Variants in SORCS2 observed in about 807,000 individuals in gnomAD.
The protein encoded by SORCS2 is VPS10 domain-containing receptor SorCS2.
Under a neutral mutation model 141.6 loss-of-function variants are expected in SORCS2, and 100 were observed. The observed-to-expected ratio is 0.71, with a 90% CI of 0.60 to 0.83. The LOEUF (loss-of-function observed/expected upper bound fraction) is 0.83, where lower values mean the gene tolerates loss of function less well. Among genes scored for constraint, SORCS2 ranks in the 40% least tolerant of loss-of-function variants. SORCS2 has a pLI of 0.00. For synonymous variants in SORCS2, 789 were observed against 676.9 expected (o/e 1.17, Z -2.57); for missense variants, 1,646 against 1,560.2 (o/e 1.05, Z -0.93).
chr4:7,702,916 G>T (rs1265945944), intron 12 of SORCS2, among the ~76,000 whole-genome samples: 1 of 152,232 alleles, frequency 6.6e-6, no homozygotes, highest in Non-Finnish European at 1.5e-5. Flanking sequence ...GGTTTGCTTT[G>T]ACTGAGGCTG....
At chr4:7,475,590 C>G (rs1038749116) in intron 2 of SORCS2, among the ~76,000 whole-genome samples, 1 of 152,230 alleles carries the variant, frequency 6.6e-6, no homozygotes. Context: ...GATCCTGGAG[C>G]CCCTTCCCTG....
At chr4:7,657,462 AGT>A (rs1721848986) in intron 5 of SORCS2, among the ~76,000 whole-genome samples, 1 of 150,972 alleles carries the variant, frequency 6.6e-6, no homozygotes, top group Non-Finnish European at 1.5e-5. Context: ...GTAATAAATG[AGT>A]GAATAAATGA....
At chr4:7,227,007 G>C (rs1729030674) in intron 1 of SORCS2, among the ~76,000 whole-genome samples, 1 of 152,230 alleles carries the variant, frequency 6.6e-6, no homozygotes, top group Admixed American at 6.5e-5. Flanking sequence ...GCTGTGACCA[G>C]CACCCCTCAC....
At chr4:7,624,996 T>A (rs1365387085) in intron 3 of SORCS2, among the ~76,000 whole-genome samples, 1 of 152,256 alleles carries the variant, frequency 6.6e-6, no homozygotes, top group African/African-American at 2.4e-5. Flanking sequence ...GATGATGAGT[T>A]ATTTTATATG....
At chr4:7,722,895 A>G (rs1726688221) in intron 18 of SORCS2, among the ~76,000 whole-genome samples, 1 of 152,152 alleles carries the variant, frequency 6.6e-6, no homozygotes, top group Non-Finnish European at 1.5e-5. Context: ...TGTTTCCTCC[A>G]TCATCACTAG....
At chr4:7,737,265 G>A in intron 26 of SORCS2, 93 bp downstream of exon 26, 1 of 1,510,100 alleles carries the variant, frequency 6.6e-7, no homozygotes, top group Non-Finnish European at 8.9e-7. Context: ...ACCCCGCTGG[G>A]CCGCTGGGGC....
At chr4:7,613,347 C>G (rs1718546277) in intron 3 of SORCS2, among the ~76,000 whole-genome samples, 1 of 152,236 alleles carries the variant, frequency 6.6e-6, no homozygotes, top group Non-Finnish European at 1.5e-5. Flanking sequence ...CGGGCGCTGT[C>G]TGTTCAGCGG....
intron 1 of SORCS2, among the ~76,000 whole-genome samples, chr4:7,291,868 G>T (rs1467668381): frequency 6.6e-6 from 1 of 152,242 alleles, no homozygotes; most frequent in East Asian, 1.9e-4. Flanking sequence ...AAATGACACA[G>T]CTTGTTCCCA....
At chr4:7,218,297 C>T (rs746128713) in intron 1 of SORCS2, among the ~76,000 whole-genome samples, 13 of 152,182 alleles carry the variant, frequency 8.5e-5, no homozygotes, top group African/African-American at 1.4e-4. Flanking sequence ...GGATTCTAAT[C>T]GCCTTCTTCT....
chr4:7,264,605 G>C (rs552103008), intron 1 of SORCS2, among the ~76,000 whole-genome samples: 1 of 152,248 alleles, frequency 6.6e-6, no homozygotes, highest in South Asian at 2.1e-4. Flanking sequence ...GGAAGGTGCT[G>C]TGTGGCCCGT....
rs148212665 is a variant in SORCS2, at chr4:7,585,332, C to G, written c.649-52996C>G. Among the ~76,000 whole-genome samples, 1,408 of 152,258 alleles carry G rather than the reference C, an allele frequency of 9.2e-3. 22 individuals are homozygous for G. The highest frequency in any genetic ancestry group is 0.032 in the African/African-American group (1,321 of 41,544). On this transcript the variant is annotated intron_variant, in intron 3 of 26. Transcript: ENST00000507866. ...CAGTATCTCAAAACCCGCCGGACTT[C>G]CAAGGGGTGGTTTGGGCTGCGGTGT... is the stretch of plus-strand genomic sequence containing the variant.
intron 1 of SORCS2, among the ~76,000 whole-genome samples, chr4:7,312,209 A>G (rs1172617371): frequency 1.7e-4 from 26 of 152,154 alleles, no homozygotes; most frequent in Non-Finnish European, 1.5e-5. Context: ...GCTGCTGAAG[A>G]GCGTAAGTAC....
Position 7,502,800 on chromosome 4 carries a change from C to G in SORCS2, c.549-28730C>G, listed in dbSNP as rs537853550. ...CTGTGCGGGGAGCAGGGAAGCCGGC[C>G]TTGCCCCCACGGCATGCCCACTTCC... On this transcript the variant is annotated intron_variant, in intron 2 of 26. Transcript: ENST00000507866. Among the ~76,000 whole-genome samples, 266 of 152,324 alleles carry G rather than the reference C, an allele frequency of 1.7e-3. 1 individual carries two copies. The highest frequency in any genetic ancestry group is 6.0e-3 in the African/African-American group (249 of 41,572).
intron 18 of SORCS2, among the ~76,000 whole-genome samples, chr4:7,719,085 C>T (rs754538183): frequency 4.6e-5 from 7 of 152,238 alleles, no homozygotes; most frequent in African/African-American, 1.7e-4. Context: ...GGCTCTCTCC[C>T]GGCACGCAGC....
intron 9 of SORCS2, among the ~76,000 whole-genome samples, chr4:7,678,343 C>T (rs929831904): frequency 4.0e-5 from 6 of 151,294 alleles, no homozygotes; most frequent in African/African-American, 1.2e-4. Flanking sequence ...CGACACCCAC[C>T]GTCCACCAGC....
At chr4:7,368,613 G>GC in intron 1 of SORCS2, among the ~76,000 whole-genome samples, 1 of 152,326 alleles carries the variant, frequency 6.6e-6, no homozygotes, top group East Asian at 1.9e-4. Flanking sequence ...AGAGAGGCCT[G>GC]CCCCCATGGA....
intron 1 of SORCS2, among the ~76,000 whole-genome samples, chr4:7,215,486 A>T (rs763899715): frequency 6.6e-6 from 1 of 152,176 alleles, no homozygotes; most frequent in Non-Finnish European, 1.5e-5. Context: ...TCCCAGTCCC[A>T]TCGACCACCC....
At chr4:7,500,091 C>A (rs547211508) in intron 2 of SORCS2, among the ~76,000 whole-genome samples, 1 of 152,290 alleles carries the variant, frequency 6.6e-6, no homozygotes, top group East Asian at 1.9e-4. Flanking sequence ...GCTTTCTTTC[C>A]GGCTTCTGGC....
intron 19 of SORCS2, among the ~76,000 whole-genome samples, chr4:7,724,378 G>T (rs1214153193): frequency 6.8e-6 from 1 of 146,308 alleles, no homozygotes; most frequent in Non-Finnish European, 1.5e-5. Context: ...GATGATGGTG[G>T]TGATAGGGTG....
Sources: allele counts gnomAD v4.1 joint callset (sites outside exome capture counted in the v4.1 genomes callset), GRCh38; gene constraint gnomAD v4.1.1; transcripts MANE v1.5; gene names NCBI Gene and HGNC (gene_info 2026-07-23, HGNC 2026-07-21).